EIF2AK4: variants seen among roughly 807,000 people sequenced by gnomAD.
The protein encoded by EIF2AK4 is eukaryotic translation initiation factor 2 alpha kinase 4, also known as eIF-2-alpha kinase GCN2.
EIF2AK4 carries 139 observed loss-of-function variants against 211.1 expected under a neutral mutation model. The ratio of observed to expected loss-of-function variants is 0.66; its 90% CI spans 0.57 to 0.76. The LOEUF is 0.76. Ranked by LOEUF, EIF2AK4 falls within the 30% of genes least tolerant of loss-of-function variation. The pLI is 0.00. For missense variants in EIF2AK4, 1,664 were observed against 2,043.8 expected (o/e 0.81, Z 3.58); for synonymous variants, 710 against 751.3 (o/e 0.94, Z 0.90).
In EIF2AK4 at chr15:39,988,033, G is replaced by A. The variant is rs534415142; in HGVS notation, c.2454G>A (p.Leu818=). 1.9e-6 allele frequency: 3 copies of A among 1,614,174 alleles called. No individual in the cohort carries two copies. Among genetic ancestry groups the A allele is most frequent in the South Asian group, 2.2e-5 (2 of 91,076 alleles). ...TACGAGACACCATTGACCAGGGACT[G>A]TATCGAGACACCGTCAGACTCTGGA... ...STLRDTIDQG[L]YRDTVRLWRL... is the part of the protein sequence containing the mutation. Residue 818 remains leucine (L), a synonymous_variant, in exon 15 of 39, where the codon CTG becomes CTA. Transcript: ENST00000263791.
intron 15 of EIF2AK4, among the ~76,000 whole-genome samples, chr15:39,988,448 G>C (rs530910143): frequency 4.6e-5 from 7 of 152,262 alleles, no homozygotes; most frequent in African/African-American, 1.7e-4. Flanking sequence ...AAAATTAGAA[G>C]AACATTTCGT....
rs976534263 is a variant in EIF2AK4, at chr15:39,945,352, A to G, written c.360+1867A>G. On this transcript the variant is annotated intron_variant, in intron 3 of 38. Transcript: ENST00000263791. ...TTACCCAGTTTGCCCCGACAGTAAC[A>G]GTTTGCTGGAAAGAAGATCAAATTA... 1.1e-4 allele frequency among the ~76,000 whole-genome samples: 16 copies of G among 152,312 alleles called. 1 individual carries two copies. The highest frequency in any genetic ancestry group is 1.0e-3 in the Admixed American group (16 of 15,302).
Position 40,019,223 on chromosome 15 carries a change from A to C in EIF2AK4, c.4173+23A>C, listed in dbSNP as rs1444662741. 3 of 1,518,028 alleles carry C rather than the reference A, an allele frequency of 2.0e-6. No individual in the cohort carries two copies. In the South Asian group the frequency reaches 3.8e-5, roughly 19 times the overall value. 94.0% of individuals were successfully genotyped at this position (1,518,028 alleles called of 1,614,324 possible). On this transcript the variant is annotated intron_variant, in intron 30 of 38. Transcript: ENST00000263791. ...TCTGTAAGTTCTGGCTTGGCTTCCC[A>C]GCATACTTCGAGGTGTCTTTCATTT... is the stretch of plus-strand genomic sequence containing the variant.
At chr15:39,943,029 A>AT (rs201242569) in intron 2 of EIF2AK4, among the ~76,000 whole-genome samples, 16,252 of 146,558 alleles carry the variant, frequency 0.11, 1,909 homozygotes, top group African/African-American at 0.29. Flanking sequence ...AACTGGAATG[A>AT]TTTTTTTTTT....
chr15:39,958,287 A>T (rs560877536), intron 6 of EIF2AK4, among the ~76,000 whole-genome samples: 1 of 152,348 alleles, frequency 6.6e-6, no homozygotes, highest in Non-Finnish European at 1.5e-5. Flanking sequence ...TTACCTTCAC[A>T]TATTCAGACT....
intron 15 of EIF2AK4, among the ~76,000 whole-genome samples, chr15:39,989,138 T>C (rs2034908214): frequency 6.6e-6 from 1 of 152,224 alleles, no homozygotes; most frequent in South Asian, 2.1e-4. Context: ...AATGAGACTT[T>C]CTGAGTAACT....
intron 21 of EIF2AK4, 26 bp downstream of exon 21, chr15:40,001,250 G>T: frequency 6.2e-7 from 1 of 1,607,168 alleles, no homozygotes; most frequent in South Asian, 1.1e-5. Flanking sequence ...GCTGCACAAA[G>T]GGAGCTTCAC....
rs200885460 is a variant in EIF2AK4, at chr15:39,986,862, AAACAAC to A, written c.2403+989_2403+994del. On this transcript the variant is annotated intron_variant, in intron 14 of 38. Transcript: ENST00000263791. The stretch of plus-strand genomic sequence containing the variant: ...AAGAGTGAAACTCTATCTAAAAAAC[AAACAAC>A]AACAACAACAACAAAAACAAAGAAG... 3.7e-4 allele frequency among the ~76,000 whole-genome samples: 55 copies of A among 148,696 alleles called. 1 individual carries two copies. The highest frequency in any genetic ancestry group is 7.4e-5 in the African/African-American group (3 of 40,290).
At chr15:39,980,658 C>G (rs1486941291) in intron 13 of EIF2AK4, among the ~76,000 whole-genome samples, 1 of 152,196 alleles carries the variant, frequency 6.6e-6, no homozygotes, top group African/African-American at 2.4e-5. Context: ...GGGAATTATT[C>G]TACTATTGGG....
chr15:40,016,811 G>T, intron 28 of EIF2AK4, 139 bp downstream of exon 28: 2 of 1,184,958 alleles, frequency 1.7e-6, no homozygotes, highest in Admixed American at 2.9e-5. Flanking sequence ...TGGAGCATTT[G>T]ATATTTAGTA....
intron 35 of EIF2AK4, 106 bp downstream of exon 35, chr15:40,030,562 T>A: frequency 7.8e-7 from 1 of 1,283,004 alleles, no homozygotes; most frequent in Non-Finnish European, 1.1e-6. Flanking sequence ...TGGAAATATT[T>A]TTTCCAAGAA....
chr15:39,972,971 A>G lies in EIF2AK4; in HGVS notation c.1617A>G (p.Ile539Met), dbSNP rs1186387010. The change falls in exon 10 of 39, where the codon ATA becomes ATG. Residue 539 changes from isoleucine to methionine, a missense_variant. Transcript: ENST00000263791. The part of the protein sequence containing the change: ...SPQQLLKHSF[I>M]NPQPKMPLVE... ...AGCAGTTGTTGAAACACAGCTTTAT[A>G]AATCCCCAGCCAAAAATGCCTCTAG... 1.7e-5 allele frequency: 27 copies of G among 1,613,970 alleles called. No individual in the cohort carries two copies. In the Admixed American group the frequency reaches 2.8e-4, roughly 17 times the overall value.
intron 27 of EIF2AK4, among the ~76,000 whole-genome samples, 159 bp from the exon 28 acceptor site, chr15:40,016,343 T>A (rs2035302244): frequency 6.6e-6 from 1 of 152,176 alleles, no homozygotes; most frequent in South Asian, 2.1e-4. Context: ...AAAAGGATAA[T>A]CCTTAGTCAG....
At position 39,943,320 on chromosome 15, in the gene EIF2AK4, A is replaced by C. The variant is rs2034173604; in HGVS notation, c.258-63A>C. The C allele has an allele frequency of 1.6e-5, 21 of 1,320,084 alleles. 1 individual carries two copies. The South Asian group carries it at 2.5e-4, about 16-fold the overall frequency. 81.8% of individuals were successfully genotyped at this position (1,320,084 alleles called of 1,614,324 possible). A position where few individuals can be genotyped will look rare whatever the true frequency, so the allele number is the denominator to read the frequency against. ...AGTGCTTTCAGTTTAGCAAATATTA[A>C]TGCAAACAGGCTATACTTTCTGGAG... On this transcript the variant is annotated intron_variant, in intron 2 of 38. Transcript: ENST00000263791.
At position 39,934,475 on chromosome 15, in the gene EIF2AK4, C is replaced by T. The variant is rs2034033628; in HGVS notation, c.144+136C>T. The T allele has an allele frequency of 4.0e-6, 5 of 1,243,398 alleles. No homozygotes were observed. The South Asian group carries it at 4.5e-5, about 11-fold the overall frequency. 77.0% of individuals were successfully genotyped at this position (1,243,398 alleles called of 1,614,324 possible). Reference sequence around the variant, plus strand: ...TTTCATCCCTTAGGTTCCACCCATGCTCACTTTAGTCCTTGCACCTGCAGC... The same window carrying T: ...TTTCATCCCTTAGGTTCCACCCATGTTCACTTTAGTCCTTGCACCTGCAGC... On this transcript the variant is annotated intron_variant, in intron 1 of 38. Transcript: ENST00000263791.
chr15:39,988,562 A>G (rs1048178234), intron 15 of EIF2AK4, among the ~76,000 whole-genome samples: 2 of 152,138 alleles, frequency 1.3e-5, no homozygotes, highest in African/African-American at 4.8e-5. Context: ...TTTTTTTTCC[A>G]TACCAGCAGA....
chr15:39,983,226 A>T (rs1311902272), intron 13 of EIF2AK4, among the ~76,000 whole-genome samples: 3 of 152,154 alleles, frequency 2.0e-5, no homozygotes, highest in Non-Finnish European at 1.5e-5. Context: ...TGACTTTTTA[A>T]TGATCACCAT....
At position 39,961,773 on chromosome 15, in the gene EIF2AK4, T is replaced by G. The variant is rs201918333; in HGVS notation, c.744-11T>G. The stretch of plus-strand genomic sequence containing the variant: ...GATTGTTCAAATGTATTGTTCAAAT[T>G]TATTTTTAAGGCGAGAACGTCAGTA... On this transcript the variant is annotated splice_polypyrimidine_tract_variant and intron_variant, in intron 6 of 38. Transcript: ENST00000263791. 1,526 of 1,597,192 alleles carry G rather than the reference T, an allele frequency of 9.6e-4. 18 individuals are homozygous for G. In the Middle Eastern group the frequency reaches 0.011, roughly 11 times the overall value.
intron 22 of EIF2AK4, 135 bp downstream of exon 22, chr15:40,002,923 T>A: frequency 8.9e-7 from 1 of 1,119,694 alleles, no homozygotes; most frequent in African/African-American, 1.6e-5. Flanking sequence ...ATATGGAATT[T>A]AAGCTTATTT....
Sources: allele counts gnomAD v4.1 joint callset (sites outside exome capture counted in the v4.1 genomes callset), GRCh38; gene constraint gnomAD v4.1.1; transcripts MANE v1.5; gene names NCBI Gene and HGNC (gene_info 2026-07-23, HGNC 2026-07-21).